IL17B: variants seen among roughly 807,000 people sequenced by gnomAD.
The protein encoded by IL17B is interleukin 17B, also known as interleukin-17B.
In IL17B, 14 loss-of-function variants were observed where a neutral mutation model predicts 14.7. The ratio of observed to expected loss-of-function variants is 0.95; its 90% confidence interval spans 0.63 to 1.49. The LOEUF (loss-of-function observed/expected upper bound fraction) is 1.49, where lower values mean the gene tolerates loss of function less well. IL17B is among the 40% of genes most tolerant of loss of function. IL17B has a pLI of 0.00. For synonymous variants in IL17B, 105 were observed against 94.8 expected (o/e 1.11, Z -0.62); for missense variants, 233 against 252.8 (o/e 0.92, Z 0.53).
chr5:149,384,057 G>A (rs1264496442), upstream of IL17B, among the ~76,000 whole-genome samples: 1 of 152,206 alleles, frequency 6.6e-6, no homozygotes, highest in Non-Finnish European at 1.5e-5. Flanking sequence ...AAGCGGGAAC[G>A]CTTTCTAAGT....
rs922400111 is a variant in IL17B at position 149,374,811 on chromosome 5, G to A, written c.312-211C>T. The A allele has an allele frequency of 6.5e-5, 34 of 526,856 alleles. No homozygotes were observed. The highest frequency in any genetic ancestry group is 4.9e-4 in the African/African-American group (26 of 53,072). The allele number at this position is 526,856 out of a possible 1,614,324, so 32.6% of individuals were successfully genotyped here. ...AAGTCGAGAGCCCCAAGGTTATCCAGCTTCAAGGTCACCAGTCACCCAGCT... is the reference window on the plus strand; with the variant it reads ...AAGTCGAGAGCCCCAAGGTTATCCAACTTCAAGGTCACCAGTCACCCAGCT... On this transcript the variant is annotated intron_variant, in intron 2 of 2. Coordinates refer to ENST00000261796, the MANE Select transcript of IL17B (RefSeq NM_014443.3). The surrounding 1 kb of genome is among the most constrained non-coding windows in gnomAD (Gnocchi z 5.0).
upstream of IL17B, among the ~76,000 whole-genome samples, chr5:149,382,031 C>T (rs950415805): frequency 6.6e-6 from 1 of 152,176 alleles, no homozygotes; most frequent in Non-Finnish European, 1.5e-5. Context: ...CAGCAGGCCC[C>T]GCCAGGAGCA....
chr5:149,380,918 G>A (rs568964587), upstream of IL17B, among the ~76,000 whole-genome samples: 7 of 152,308 alleles, frequency 4.6e-5, no homozygotes, highest in Admixed American at 2.0e-4. Flanking sequence ...CTATTCTACC[G>A]TTGGAAACTC....
intron 1 of IL17B, among the ~76,000 whole-genome samples, chr5:149,398,829 C>T (rs1294344527): frequency 1.3e-5 from 2 of 152,170 alleles, no homozygotes; most frequent in African/African-American, 4.8e-5. Context: ...TCTCTTGAAC[C>T]AGGGAGGCAG....
chr5:149,389,292 C>T (rs1323007034), intron 1 of IL17B, among the ~76,000 whole-genome samples: 1 of 152,194 alleles, frequency 6.6e-6, no homozygotes, highest in East Asian at 1.9e-4. Flanking sequence ...TAGATTTATC[C>T]AGTTCAACTT....
Position 149,377,042 on chromosome 5 carries a change from C to G in IL17B, c.22-17G>C. 6.5e-7 allele frequency: 1 copy of G among 1,531,196 alleles called. No individual in the cohort carries two copies. The highest frequency in any genetic ancestry group is 8.7e-7 in the Non-Finnish European group (1 of 1,144,202). The allele number at this position is 1,531,196 out of a possible 1,614,324, so 94.9% of individuals were successfully genotyped here. ...AAGAAACAGCTGGGGAGGAAAGCCA[C>G]AGGTCAAAGGTGGGAGAGCCAAGTC... On this transcript the variant is annotated splice_polypyrimidine_tract_variant and intron_variant, in intron 1 of 2. Transcript: ENST00000261796.
chr5:149,384,255 C>A (rs994917799), upstream of IL17B, among the ~76,000 whole-genome samples: 2 of 152,296 alleles, frequency 1.3e-5, no homozygotes, highest in South Asian at 2.1e-4. Flanking sequence ...ATTTGCCCTG[C>A]CCCTTATTAT....
At chr5:149,396,015 T>C (rs1381620202) in intron 1 of IL17B, among the ~76,000 whole-genome samples, 1 of 152,224 alleles carries the variant, frequency 6.6e-6, no homozygotes, top group Non-Finnish European at 1.5e-5. Flanking sequence ...ATTTTTAAAC[T>C]GAAGTTGTCG....
chr5:149,394,973 G>A (rs1355999110), intron 1 of IL17B, among the ~76,000 whole-genome samples: 1 of 152,074 alleles, frequency 6.6e-6, no homozygotes, highest in African/African-American at 2.4e-5. Flanking sequence ...TCATCACCCA[G>A]GTAACAAACG....
At chr5:149,386,528 A>AG (rs1387651668) in intron 1 of IL17B, among the ~76,000 whole-genome samples, 1 of 152,190 alleles carries the variant, frequency 6.6e-6, no homozygotes, top group African/African-American at 2.4e-5. Context: ...AATGTTGACA[A>AG]GCTGCTTCTG....
At chr5:149,379,062 T>C (rs1758617931) in intron 1 of IL17B, 143 bp downstream of exon 1, 12 of 993,640 alleles carry the variant, frequency 1.2e-5, no homozygotes, top group Non-Finnish European at 1.5e-5. Flanking sequence ...TCTGTTTCTT[T>C]CTAGTCCTGG....
At chr5:149,380,258 A>G (rs149762165), upstream of IL17B, among the ~76,000 whole-genome samples, 24 of 152,336 alleles carry the variant, frequency 1.6e-4, no homozygotes, top group East Asian at 4.4e-3. Flanking sequence ...TAAAACTGCT[A>G]TAAGGAATAA....
chr5:149,379,173 G>C, intron 1 of IL17B, 32 bp downstream of exon 1: 1 of 1,613,950 alleles, frequency 6.2e-7, no homozygotes, highest in Non-Finnish European at 8.5e-7. Context: ...TCTTAAAAAG[G>C]GGTGGGGGTG....
At chr5:149,393,156 A>G (rs1046918192) in intron 1 of IL17B, among the ~76,000 whole-genome samples, 11 of 152,122 alleles carry the variant, frequency 7.2e-5, no homozygotes, top group Non-Finnish European at 1.5e-4. Flanking sequence ...CCAATCACCC[A>G]CCCAATGTCA....
upstream of IL17B, among the ~76,000 whole-genome samples, chr5:149,380,758 C>T (rs1758673247): frequency 6.6e-6 from 1 of 152,212 alleles, no homozygotes; most frequent in Non-Finnish European, 1.5e-5. Context: ...TTACAGGAAT[C>T]GTCCGAGGGG....
In IL17B at chr5:149,387,009, T is replaced by G. The variant is rs369666334; in HGVS notation, n.96-9984A>C. On this transcript the variant is annotated intron_variant and non_coding_transcript_variant, in intron 1 of 2. Coordinates refer to the IL17B transcript ENST00000505432. ...ACATGAGCCACTGTGCGTGGCCTAT[T>G]CCTGAGCTTATGTTCTAATGCAGGA... Among the ~76,000 whole-genome samples the G allele has an allele frequency of 1.5e-3, 225 of 150,896 alleles. 2 individuals are homozygous for G. The highest frequency in any genetic ancestry group is 5.3e-3 in the African/African-American group (217 of 41,134).
At position 149,388,388 on chromosome 5, in the gene IL17B, C is replaced by T. The variant is rs576087307; in HGVS notation, n.96-11363G>A. 4.6e-5 allele frequency among the ~76,000 whole-genome samples: 7 copies of T among 152,318 alleles called. No individual in the cohort carries two copies. The South Asian group carries it at 1.4e-3, about 32-fold the overall frequency. ...CTCTGACCCTGGCATTCCAGAATCACCTACAAATCTTCTCATTTTTTAGTC... is the reference window on the plus strand; with the variant it reads ...CTCTGACCCTGGCATTCCAGAATCATCTACAAATCTTCTCATTTTTTAGTC... On this transcript the variant is annotated intron_variant and non_coding_transcript_variant, in intron 1 of 2. Coordinates refer to the IL17B transcript ENST00000505432.
intron 2 of IL17B, among the ~76,000 whole-genome samples, chr5:149,376,499 A>G (rs185358004): frequency 1.9e-3 from 295 of 152,312 alleles, no homozygotes; most frequent in African/African-American, 6.7e-3. Flanking sequence ...CTCTGCATGG[A>G]TATCTCACTT....
At chr5:149,381,073 A>G (rs376982835), upstream of IL17B, among the ~76,000 whole-genome samples, 14 of 152,148 alleles carry the variant, frequency 9.2e-5, no homozygotes, top group African/African-American at 3.1e-4. Flanking sequence ...TGCTGCTAGC[A>G]GTGGGGTCCC....
Sources: allele counts gnomAD v4.1 joint callset (sites outside exome capture counted in the v4.1 genomes callset), GRCh38; gene constraint gnomAD v4.1.1; non-coding constraint Gnocchi (gnomAD v3.1); transcripts MANE v1.5; gene names NCBI Gene and HGNC (gene_info 2026-07-23, HGNC 2026-07-21).